Variants in MAST4 observed in about 807,000 individuals in gnomAD.
The protein encoded by MAST4 is microtubule associated serine/threonine kinase family member 4, also known as microtubule-associated serine/threonine-protein kinase 4.
Under a neutral mutation model 162.7 loss-of-function variants are expected in MAST4, and 89 were observed. That is an observed-to-expected ratio of 0.55 (90% CI 0.46 to 0.65). The LOEUF is 0.65. Among genes scored for constraint, MAST4 ranks in the 30% least tolerant of loss-of-function variants. MAST4 has a pLI of 0.00. For missense variants in MAST4, 3,153 were observed against 3,374.0 expected, an observed-to-expected ratio of 0.93 and a Z score of 1.62; for synonymous variants, 1,479 against 1,361.1, an observed-to-expected ratio of 1.09 and a Z score of -1.91.
intron 5 of MAST4, among the ~76,000 whole-genome samples, chr5:67,063,915 C>T (rs779519200): frequency 8.5e-5 from 13 of 152,152 alleles, no homozygotes; most frequent in Admixed American, 5.2e-4. Context: ...GAAGACTGGA[C>T]GGGACATTTC....
intron 2 of MAST4, 57 bp from the exon 3 acceptor site, chr5:66,788,613 A>G (rs1333192854): frequency 8.9e-7 from 1 of 1,117,832 alleles, no homozygotes; most frequent in Non-Finnish European, 1.2e-6. Flanking sequence ...CCCCCATTGC[A>G]ATAAGACTAC....
At chr5:66,876,662 C>T (rs1761320631) in intron 3 of MAST4, among the ~76,000 whole-genome samples, 1 of 152,196 alleles carries the variant, frequency 6.6e-6, no homozygotes, top group Non-Finnish European at 1.5e-5. Flanking sequence ...GGTGTAAGTA[C>T]AGCCAGTACT....
At chr5:66,838,907 G>A (rs1580600764) in intron 3 of MAST4, among the ~76,000 whole-genome samples, 1 of 152,294 alleles carries the variant, frequency 6.6e-6, no homozygotes, top group Non-Finnish European at 1.5e-5. Context: ...GCCATTGAAA[G>A]ACTGTAATCA....
At chr5:66,703,817 T>A (rs1416448511) in intron 1 of MAST4, among the ~76,000 whole-genome samples, 1 of 152,200 alleles carries the variant, frequency 6.6e-6, no homozygotes, top group Admixed American at 6.5e-5. Flanking sequence ...TTATCTCTGC[T>A]CCAGTTTGAT....
chr5:66,829,126 T>C (rs1385663579), intron 3 of MAST4, among the ~76,000 whole-genome samples: 2 of 152,014 alleles, frequency 1.3e-5, no homozygotes, highest in Admixed American at 1.3e-4. Flanking sequence ...TTTGTTTTTC[T>C]ACTGGTTATT....
At chr5:67,019,751 A>T (rs559581205) in intron 4 of MAST4, among the ~76,000 whole-genome samples, 5 of 152,228 alleles carry the variant, frequency 3.3e-5, no homozygotes, top group Admixed American at 2.6e-4. Context: ...GTCATGGACT[A>T]AAATATATGG....
At chr5:66,843,905 C>T (rs754680635) in intron 3 of MAST4, among the ~76,000 whole-genome samples, 2 of 152,034 alleles carry the variant, frequency 1.3e-5, no homozygotes, top group South Asian at 2.1e-4. Flanking sequence ...TGAATTATCT[C>T]AGGTTTTAGC....
chr5:66,788,607 C>CCCACCAAAAAAACAAAAA, intron 2 of MAST4, 63 bp from the exon 3 acceptor site: 2 of 1,373,728 alleles, frequency 1.5e-6, no homozygotes, highest in Non-Finnish European at 2.0e-6. Flanking sequence ...CCCCCACCCC[C>CCCACCAAAAAAACAAAAA]ATTGCAATAA....
rs375190226 is a variant in MAST4, at chr5:67,165,194, T to A, written c.6015T>A (p.Thr2005=). ...EPSMELCFPE[T]AKTSDNSKNL... is the part of the protein sequence containing the mutation. ...CCATGGAACTGTGCTTTCCAGAAACTGCGAAAACCAGTGACAACTCCAAAA... is the reference window on the plus strand; with the variant it reads ...CCATGGAACTGTGCTTTCCAGAAACAGCGAAAACCAGTGACAACTCCAAAA... The change falls in exon 29 of 29, where the codon ACT becomes ACA. Residue 2005 remains threonine, a synonymous_variant. Transcript: ENST00000403625. 11 of 1,608,876 alleles carry A rather than the reference T, an allele frequency of 6.8e-6. No homozygotes were observed. Among genetic ancestry groups the A allele is most frequent in the Non-Finnish European group, 9.3e-6 (11 of 1,177,698 alleles).
At chr5:66,684,752 C>T (rs1374664891) in intron 1 of MAST4, among the ~76,000 whole-genome samples, 3 of 152,008 alleles carry the variant, frequency 2.0e-5, no homozygotes, top group African/African-American at 7.2e-5. Context: ...TTTTGGGGGG[C>T]TTACAATATA....
At chr5:66,933,960 G>C (rs1461496426) in intron 4 of MAST4, among the ~76,000 whole-genome samples, 1 of 152,072 alleles carries the variant, frequency 6.6e-6, no homozygotes, top group Non-Finnish European at 1.5e-5. Context: ...CTGAGTAGCT[G>C]AGATTACAGG....
chr5:67,075,424 C>T (rs951015334), intron 5 of MAST4, among the ~76,000 whole-genome samples: 2 of 152,040 alleles, frequency 1.3e-5, no homozygotes, highest in African/African-American at 4.8e-5. Context: ...GATCCACTGA[C>T]CTCAGCCTCC....
At chr5:66,801,888 TTGC>T (rs1299966580) in intron 3 of MAST4, among the ~76,000 whole-genome samples, 1 of 152,248 alleles carries the variant, frequency 6.6e-6, no homozygotes, top group Non-Finnish European at 1.5e-5. Context: ...CATTCATTTG[TTGC>T]TTGAAAAGCT....
At chr5:67,005,711 A>G (rs1301907668) in intron 4 of MAST4, among the ~76,000 whole-genome samples, 1 of 152,250 alleles carries the variant, frequency 6.6e-6, no homozygotes, top group African/African-American at 2.4e-5. Flanking sequence ...GATGAAGCTC[A>G]TGCCACAAGT....
At chr5:66,657,879 C>T (rs1746652689) in intron 1 of MAST4, among the ~76,000 whole-genome samples, 1 of 152,152 alleles carries the variant, frequency 6.6e-6, no homozygotes, top group Admixed American at 6.5e-5. Flanking sequence ...GACAGCAAAG[C>T]AGAAAATAAA....
Position 67,162,782 on chromosome 5 carries a change from C to A in MAST4, c.3961C>A (p.Pro1321Thr), listed in dbSNP as rs1349804322. Residue 1321 changes from proline to threonine, a missense_variant, in exon 28 of 29, where the codon CCA (proline) becomes ACA (threonine). This residue lies in a region of MAST4 where 619 missense variants were observed against 744.2 expected (regional missense o/e 0.83). Coordinates refer to ENST00000403625, the MANE Select transcript of MAST4 (RefSeq NM_001164664.2). ...TPSYRSTPDF[P>T]SGTNSSQSSS... ...AAGCTACCGCTCCACCCCTGACTTC[C>A]CATCTGGTGAGTGAGTCTCCTGGTC... 1.2e-6 allele frequency: 2 copies of A among 1,613,602 alleles called. No homozygotes were observed. The highest frequency in any genetic ancestry group is 3.3e-5 in the Admixed American group (2 of 59,980).
At chr5:66,701,541 C>T (rs10940078) in intron 1 of MAST4, among the ~76,000 whole-genome samples, 112,379 of 152,184 alleles carry the variant, frequency 0.74, 42,182 homozygotes, top group East Asian at 0.88. Flanking sequence ...ATCCAGCACA[C>T]TGAGTTTCTC....
chr5:66,899,886 T>G, intron 3 of MAST4, 65 bp from the exon 4 acceptor site: 3 of 1,271,510 alleles, frequency 2.4e-6, no homozygotes, highest in South Asian at 1.5e-5. Flanking sequence ...CGTTATCCAT[T>G]TGGTATCCTA....
chr5:66,926,554 CTCTT>C (rs1190452969), intron 4 of MAST4, among the ~76,000 whole-genome samples: 2 of 114,634 alleles, frequency 1.7e-5, no homozygotes, highest in East Asian at 2.2e-4. Context: ...ATCTCTTTCT[CTCTT>C]TCTCTCTCTA....
Sources: allele counts gnomAD v4.1 joint callset (sites outside exome capture counted in the v4.1 genomes callset), GRCh38; gene constraint gnomAD v4.1.1; regional missense constraint gnomAD v4.1.1; transcripts MANE v1.5; gene names NCBI Gene and HGNC (gene_info 2026-07-23, HGNC 2026-07-21).